The following DACH2 variants were observed in gnomAD, a reference collection of about 807,000 sequenced individuals.
DACH2 encodes dachshund family transcription factor 2.
DACH2 carries 17 observed loss-of-function variants against 35.8 expected under a neutral mutation model. The ratio of observed to expected loss-of-function variants is 0.48; its 90% CI spans 0.33 to 0.71. The LOEUF is 0.71. Ranked by LOEUF, DACH2 falls within the 30% of genes least tolerant of loss-of-function variation. The probability of loss-of-function intolerance (pLI) is 0.02; values close to 1 mark genes in which losing one functional copy is unlikely to be tolerated. For synonymous variants in DACH2, 195 were observed against 177.3 expected (o/e 1.10, Z -0.79); for missense variants, 469 against 472.7 (o/e 0.99, Z 0.07).
chrX:86,359,099 GTGTGTGTGTGTGTGTT>G (rs1005406428), intron 1 of DACH2, among the ~76,000 whole-genome samples: 4 of 108,563 alleles, frequency 3.7e-5, no homozygotes, highest in Middle Eastern at 4.7e-3. Context: ...GTGTGTGTGT[GTGTGTGTGTGTGTGTT>G]TGTGTGTGCA....
At chrX:86,149,820 G>A (rs1344645575) in intron 1 of DACH2, among the ~76,000 whole-genome samples, 3 of 112,195 alleles carry the variant, frequency 2.7e-5, no homozygotes, top group Non-Finnish European at 5.6e-5. Flanking sequence ...TCCTGGGATC[G>A]TCCGTTTTGG....
At chrX:86,427,827 A>G (rs925100345) in intron 2 of DACH2, among the ~76,000 whole-genome samples, 1 of 112,141 alleles carries the variant, frequency 8.9e-6, no homozygotes. Flanking sequence ...GCTGACAGTA[A>G]AAGGAAATGT....
Position 86,778,448 on chromosome X carries a change from T to C in DACH2, c.1241-34408T>C, listed in dbSNP as rs752192336. Among the ~76,000 whole-genome samples, 223 of 111,475 alleles carry C rather than the reference T, an allele frequency of 2.0e-3. 2 individuals are homozygous for C. The highest frequency in any genetic ancestry group is 6.9e-3 in the African/African-American group (211 of 30,685). On this transcript the variant is annotated intron_variant, in intron 7 of 11. Coordinates refer to ENST00000373125, the MANE Select transcript of DACH2 (RefSeq NM_053281.3). ...TTTCTTCAGTAAGTTTAGAAATAAG[T>C]CAAACACATGCAATGTTAGGTAGTA...
chrX:86,492,129 C>A (rs936842637), intron 2 of DACH2, among the ~76,000 whole-genome samples: 1 of 110,962 alleles, frequency 9.0e-6, no homozygotes, highest in Non-Finnish European at 1.9e-5. Flanking sequence ...TTTAGCATAT[C>A]CTCACAGTTC....
Position 86,279,005 on chromosome X carries a change from C to T in DACH2, c.489-97819C>T, listed in dbSNP as rs112242082. ...ACTGCCTCTCTAGATTCCTCCTCTA[C>T]GGGCAGGGCATCTTTAAAATAAAGG... On this transcript the variant is annotated intron_variant, in intron 1 of 11. Transcript: ENST00000373125. Among the ~76,000 whole-genome samples the T allele has an allele frequency of 8.1e-4, 91 of 112,069 alleles. 1 individual carries two copies. The highest frequency in any genetic ancestry group is 6.8e-3 in the East Asian group (24 of 3,538).
intron 6 of DACH2, among the ~76,000 whole-genome samples, chrX:86,731,567 A>G (rs1205042359): frequency 8.9e-6 from 1 of 112,417 alleles, no homozygotes; most frequent in African/African-American, 3.2e-5. Flanking sequence ...GAATGAAAAA[A>G]GTTTGTTTAC....
chrX:86,625,689 G>T (rs1255085930), intron 3 of DACH2, among the ~76,000 whole-genome samples: 2 of 111,481 alleles, frequency 1.8e-5, no homozygotes, highest in South Asian at 3.8e-4. Context: ...CATTATGGAA[G>T]AAGGCAAATT....
chrX:86,720,687 C>G (rs2041395148), intron 6 of DACH2, among the ~76,000 whole-genome samples: 1 of 112,026 alleles, frequency 8.9e-6, no homozygotes, highest in African/African-American at 3.2e-5. Flanking sequence ...GTTGGTGGAT[C>G]TAACATTCCA....
At chrX:86,235,011 A>G (rs2033028025) in intron 1 of DACH2, among the ~76,000 whole-genome samples, 1 of 111,940 alleles carries the variant, frequency 8.9e-6, no homozygotes, top group African/African-American at 3.3e-5. Context: ...TTCATCCAGG[A>G]TACCACATTC....
chrX:86,721,811 C>T (rs144213941), intron 6 of DACH2, among the ~76,000 whole-genome samples: 223 of 111,855 alleles, frequency 2.0e-3, no homozygotes, highest in Non-Finnish European at 3.7e-3. Context: ...AGGAAACTTA[C>T]AATCATGGCA....
At chrX:86,270,035 A>AT (rs1432778122) in intron 1 of DACH2, among the ~76,000 whole-genome samples, 1 of 96,235 alleles carries the variant, frequency 1.0e-5, no homozygotes, top group Admixed American at 1.1e-4. Context: ...ATATATATAT[A>AT]TATATTTTTT....
chrX:86,743,209 T>C (rs1226278593), intron 7 of DACH2, among the ~76,000 whole-genome samples: 1 of 111,313 alleles, frequency 9.0e-6, no homozygotes, highest in Non-Finnish European at 1.9e-5. Flanking sequence ...GGTATTTACC[T>C]GGAATACTGA....
chrX:86,362,346 G>A (rs927046072), intron 1 of DACH2, among the ~76,000 whole-genome samples: 9 of 110,980 alleles, frequency 8.1e-5, no homozygotes, highest in South Asian at 3.7e-4. Flanking sequence ...AACTGCACAC[G>A]CATGCACACA....
chrX:86,610,419 T>TTC (rs1350997814), intron 3 of DACH2, among the ~76,000 whole-genome samples: 2 of 40,040 alleles, frequency 5.0e-5, no homozygotes, highest in South Asian at 1.5e-3. Context: ...CTTTCTTTCT[T>TTC]TTCTTTCTTT....
chrX:86,569,556 T>C (rs898963000), intron 3 of DACH2, among the ~76,000 whole-genome samples: 3 of 111,253 alleles, frequency 2.7e-5, no homozygotes, highest in Non-Finnish European at 5.7e-5. Context: ...GTGTCCAAAA[T>C]GCGACTTAAA....
chrX:86,395,168 G>T (rs1478270169), intron 2 of DACH2, among the ~76,000 whole-genome samples: 4 of 110,939 alleles, frequency 3.6e-5, no homozygotes. Context: ...TTATAATGAT[G>T]ATCTCTAACA....
chrX:86,438,734 T>C lies in DACH2; in HGVS notation c.527+61872T>C, dbSNP rs772845725. ...TATACCCAGTAATGGGATTGCTGGA[T>C]CAAATTGTATTTCTGTGTCTAGGTT... On this transcript the variant is annotated intron_variant, in intron 2 of 11. Transcript: ENST00000373125. Among the ~76,000 whole-genome samples the C allele has an allele frequency of 3.6e-5, 4 of 112,499 alleles. No individual in the cohort carries two copies. The East Asian group carries it at 1.1e-3, about 32-fold the overall frequency.
intron 1 of DACH2, among the ~76,000 whole-genome samples, chrX:86,210,920 C>A (rs1193152568): frequency 1.8e-5 from 2 of 111,506 alleles, no homozygotes; most frequent in Non-Finnish European, 3.8e-5. Context: ...TTCAAAGCAT[C>A]ATTGAGAGGA....
intron 1 of DACH2, among the ~76,000 whole-genome samples, chrX:86,213,815 T>C (rs182337153): frequency 2.7e-5 from 3 of 111,280 alleles, no homozygotes; most frequent in Admixed American, 9.6e-5. Context: ...GCCTTCAGTA[T>C]TGTCTACTTC....
Sources: gnomAD v4.1 joint callset for allele counts (sites outside exome capture counted in the v4.1 genomes callset) on GRCh38, gnomAD v4.1.1 for gene constraint, MANE v1.5 for transcripts, NCBI Gene and HGNC (gene_info 2026-07-23, HGNC 2026-07-21) for gene names.